Variants in CTNNA3 observed in about 807,000 individuals in gnomAD.
CTNNA3 encodes catenin alpha-3.
A neutral mutation model predicts 95.7 loss-of-function variants in CTNNA3; 76 were observed. That is an observed-to-expected ratio of 0.79 (90% CI 0.66 to 0.96). The LOEUF is 0.96. Ranked by LOEUF, CTNNA3 falls within the 40% of genes least tolerant of loss-of-function variation. CTNNA3 has a pLI of 0.00. For synonymous variants in CTNNA3, 431 were observed against 374.4 expected, an observed-to-expected ratio of 1.15 and a Z score of -1.74; for missense variants, 1,191 against 1,089.8, an observed-to-expected ratio of 1.09 and a Z score of -1.31.
At chr10:66,487,165 T>C (rs1839759788) in intron 11 of CTNNA3, among the ~76,000 whole-genome samples, 1 of 144,380 alleles carries the variant, frequency 6.9e-6, no homozygotes, top group Non-Finnish European at 1.5e-5. Flanking sequence ...TTACTTGAAA[T>C]TTAATAAAAG....
chr10:67,566,369 A>G (rs1167970646), intron 3 of CTNNA3, among the ~76,000 whole-genome samples: 1 of 151,556 alleles, frequency 6.6e-6, no homozygotes, highest in Non-Finnish European at 1.5e-5. Context: ...AAGGACATGA[A>G]CAGACACTTC....
intron 1 of CTNNA3, among the ~76,000 whole-genome samples, chr10:67,661,652 AG>A (rs1480293976): frequency 6.6e-6 from 1 of 152,198 alleles, no homozygotes; most frequent in East Asian, 1.9e-4. Context: ...TCTTGTATCC[AG>A]GAAATAAAAA....
At chr10:67,575,481 T>TG (rs1465879776) in intron 3 of CTNNA3, among the ~76,000 whole-genome samples, 1 of 152,204 alleles carries the variant, frequency 6.6e-6, no homozygotes, top group Non-Finnish European at 1.5e-5. Context: ...AATTATGTTG[T>TG]GAAAAAAAGC....
chr10:66,248,951 A>G (rs1419635141), intron 13 of CTNNA3, among the ~76,000 whole-genome samples: 1 of 152,178 alleles, frequency 6.6e-6, no homozygotes. Context: ...ATTAAAACAG[A>G]CACATAGACC....
At chr10:66,882,206 G>C in intron 7 of CTNNA3, among the ~76,000 whole-genome samples, 1 of 152,030 alleles carries the variant, frequency 6.6e-6, no homozygotes, top group Non-Finnish European at 1.5e-5. Flanking sequence ...CGAAAGGGTG[G>C]AGACTTCATT....
chr10:66,927,951 G>A lies in CTNNA3; in HGVS notation c.1048-152427C>T, dbSNP rs770259449. ...CAATTATCTGTGCCAGTCCCAAAGA[G>A]CTGCAAGGAGTAAATGTGATCGATG... On this transcript the variant is annotated intron_variant, in intron 7 of 17. Transcript: ENST00000433211. The surrounding 1 kb of genome is among the most constrained non-coding windows in gnomAD (Gnocchi z 4.7). The A allele has an allele frequency of 1.7e-5, 28 of 1,614,120 alleles. No individual in the cohort carries two copies. In the Admixed American group the frequency reaches 4.0e-4, roughly 23 times the overall value.
intron 10 of CTNNA3, among the ~76,000 whole-genome samples, chr10:66,567,982 T>C (rs924294972): frequency 6.6e-6 from 1 of 152,164 alleles, no homozygotes; most frequent in East Asian, 1.9e-4. Context: ...CACTAAAATA[T>C]AGAGATTGTG....
At chr10:67,027,133 TAGAG>T (rs1324100352) in intron 7 of CTNNA3, among the ~76,000 whole-genome samples, 1 of 152,068 alleles carries the variant, frequency 6.6e-6, no homozygotes, top group Non-Finnish European at 1.5e-5. Flanking sequence ...ATTCTGCTGA[TAGAG>T]TGAGTGCCCA....
intron 7 of CTNNA3, among the ~76,000 whole-genome samples, chr10:67,074,441 C>G (rs550603644): frequency 6.7e-6 from 1 of 148,776 alleles, no homozygotes; most frequent in Non-Finnish European, 1.5e-5. Context: ...AGCTCCACCT[C>G]CCGGGTTCAC....
chr10:67,030,558 A>G (rs145568738), intron 7 of CTNNA3, among the ~76,000 whole-genome samples: 1 of 145,872 alleles, frequency 6.9e-6, no homozygotes, highest in East Asian at 2.2e-4. Flanking sequence ...CATATTGTAT[A>G]TAATAATTTT....
chr10:66,984,998 G>A (rs1850648006), intron 7 of CTNNA3, among the ~76,000 whole-genome samples: 1 of 151,846 alleles, frequency 6.6e-6, no homozygotes, highest in Admixed American at 6.6e-5. Context: ...CACTACTGTT[G>A]AGCCAAAATA....
chr10:65,995,974 A>C (rs1438661247), intron 15 of CTNNA3, among the ~76,000 whole-genome samples: 1 of 152,142 alleles, frequency 6.6e-6, no homozygotes, highest in African/African-American at 2.4e-5. Flanking sequence ...GGCCAGGGTG[A>C]AACCTAGGCT....
At chr10:66,820,348 G>C (rs913722518) in intron 7 of CTNNA3, among the ~76,000 whole-genome samples, 8 of 151,952 alleles carry the variant, frequency 5.3e-5, no homozygotes, top group African/African-American at 1.9e-4. Context: ...GAAGTGACTG[G>C]TAACGATTAA....
intron 5 of CTNNA3, among the ~76,000 whole-genome samples, chr10:67,359,387 G>GATTAA (rs1842922338): frequency 6.6e-6 from 1 of 152,028 alleles, no homozygotes; most frequent in African/African-American, 2.4e-5. Flanking sequence ...ACCCTAACTA[G>GATTAA]ATTAAAATGT....
chr10:66,871,356 C>T (rs1844394367), intron 7 of CTNNA3, among the ~76,000 whole-genome samples: 1 of 151,788 alleles, frequency 6.6e-6, no homozygotes, highest in Non-Finnish European at 1.5e-5. Context: ...GTTGGGAGTT[C>T]GAGACCAGCC....
intron 5 of CTNNA3, among the ~76,000 whole-genome samples, chr10:67,399,695 T>C (rs1844846864): frequency 6.6e-6 from 1 of 152,174 alleles, no homozygotes; most frequent in African/African-American, 2.4e-5. Flanking sequence ...CTGTCAACTG[T>C]TGGAGATCTT....
chr10:67,054,013 A>G (rs1386137932), intron 7 of CTNNA3, among the ~76,000 whole-genome samples: 1 of 152,196 alleles, frequency 6.6e-6, no homozygotes, highest in Non-Finnish European at 1.5e-5. Context: ...TATCTCTAAA[A>G]GAGCCCACTG....
At chr10:66,437,953 C>A (rs572757193) in intron 11 of CTNNA3, among the ~76,000 whole-genome samples, 1 of 152,270 alleles carries the variant, frequency 6.6e-6, no homozygotes, top group African/African-American at 2.4e-5. Flanking sequence ...AACAGTCAGG[C>A]CCCTCTTCTG....
chr10:67,559,779 G>C (rs976610846), intron 3 of CTNNA3, among the ~76,000 whole-genome samples: 4 of 152,168 alleles, frequency 2.6e-5, no homozygotes, highest in South Asian at 2.1e-4. Context: ...AACCAATACA[G>C]AGAAGTGCTT....
Sources: allele counts gnomAD v4.1 joint callset (sites outside exome capture counted in the v4.1 genomes callset), GRCh38; gene constraint gnomAD v4.1.1; non-coding constraint Gnocchi (gnomAD v3.1); transcripts MANE v1.5; gene names NCBI Gene and HGNC (gene_info 2026-07-23, HGNC 2026-07-21).